WWOX: variants seen among roughly 807,000 people sequenced by gnomAD.
The protein encoded by WWOX is WW domain-containing oxidoreductase.
Under a neutral mutation model 46.2 loss-of-function variants are expected in WWOX, and 69 were observed. The observed-to-expected ratio is 1.49, with a 90% CI of 1.23 to 1.82. The LOEUF is 1.82. Among genes scored for constraint, WWOX ranks in the 40% most tolerant of loss-of-function variants. WWOX has a pLI of 0.00. For synonymous variants in WWOX, 359 were observed against 202.6 expected (o/e 1.77, Z -6.56); for missense variants, 919 against 542.6 (o/e 1.69, Z -6.89).
At chr16:79,128,929 G>C (rs1440556689) in intron 8 of WWOX, among the ~76,000 whole-genome samples, 1 of 152,166 alleles carries the variant, frequency 6.6e-6, no homozygotes, top group Non-Finnish European at 1.5e-5. Context: ...TGCCATTGTT[G>C]CCCAGTGTGA....
chr16:79,162,750 C>A (rs1306363164), intron 8 of WWOX, among the ~76,000 whole-genome samples: 1 of 152,142 alleles, frequency 6.6e-6, no homozygotes, highest in Non-Finnish European at 1.5e-5. Flanking sequence ...AAAGGGCATC[C>A]TGCAAATTTG....
chr16:78,221,470 AT>A (rs1175867856), intron 5 of WWOX, among the ~76,000 whole-genome samples: 2 of 152,120 alleles, frequency 1.3e-5, no homozygotes, highest in African/African-American at 4.8e-5. Context: ...ATTTCCATTA[AT>A]GGTGGACTCT....
chr16:78,552,896 A>G (rs547970523), intron 8 of WWOX: 21 of 152,370 alleles, frequency 1.4e-4, no homozygotes, highest in African/African-American at 4.6e-4. Context: ...TCACAGATCC[A>G]TGGGGACTCC....
chr16:78,625,745 T>G (rs1479995381), intron 8 of WWOX, among the ~76,000 whole-genome samples: 3 of 147,722 alleles, frequency 2.0e-5, no homozygotes, highest in Non-Finnish European at 4.5e-5. Flanking sequence ...TTCTGCAGTT[T>G]TTTTGCCATT....
At chr16:78,533,996 A>G (rs2043695527) in intron 8 of WWOX, among the ~76,000 whole-genome samples, 1 of 152,212 alleles carries the variant, frequency 6.6e-6, no homozygotes, top group South Asian at 2.1e-4. Context: ...GTATTTGCCA[A>G]AACTAGAGGA....
intron 8 of WWOX, among the ~76,000 whole-genome samples, chr16:78,457,231 C>G (rs1486129465): frequency 2.0e-5 from 3 of 152,200 alleles, no homozygotes; most frequent in African/African-American, 7.2e-5. Context: ...AACAGTTCTT[C>G]TGGAACAGGA....
chr16:78,841,165 A>C (rs2052136767), intron 8 of WWOX, among the ~76,000 whole-genome samples: 1 of 152,174 alleles, frequency 6.6e-6, no homozygotes, highest in Non-Finnish European at 1.5e-5. Context: ...CACAACGTGC[A>C]CTGGGTCTTC....
intron 8 of WWOX, among the ~76,000 whole-genome samples, chr16:78,544,826 G>C (rs1441105897): frequency 6.6e-6 from 1 of 152,136 alleles, no homozygotes; most frequent in Non-Finnish European, 1.5e-5. Context: ...AGTGAGCTGT[G>C]ATCGCTCCAC....
At chr16:78,520,519 C>T (rs1428999905) in intron 8 of WWOX, among the ~76,000 whole-genome samples, 2 of 151,974 alleles carry the variant, frequency 1.3e-5, no homozygotes, top group Non-Finnish European at 2.9e-5. Flanking sequence ...GTGGAAGAAA[C>T]ACAGCTTGAA....
intron 5 of WWOX, among the ~76,000 whole-genome samples, chr16:78,282,392 C>T (rs1456112785): frequency 6.6e-6 from 1 of 152,162 alleles, no homozygotes; most frequent in African/African-American, 2.4e-5. Flanking sequence ...TGGATGGTCT[C>T]TTACTAGTGG....
At chr16:79,000,084 A>G (rs114726835) in intron 8 of WWOX, among the ~76,000 whole-genome samples, 1,623 of 152,248 alleles carry the variant, frequency 0.011, 28 homozygotes, top group African/African-American at 0.037. Context: ...AAAAACCAGG[A>G]TCCTTCATGT....
chr16:78,375,913 A>T (rs4888797), intron 5 of WWOX, among the ~76,000 whole-genome samples: 1 of 149,984 alleles, frequency 6.7e-6, no homozygotes, highest in Admixed American at 6.6e-5. Flanking sequence ...GTGCAGTGGC[A>T]TGATGTTGGC....
chr16:79,074,042 G>A (rs911602348), intron 8 of WWOX, among the ~76,000 whole-genome samples: 2 of 151,910 alleles, frequency 1.3e-5, no homozygotes, highest in African/African-American at 4.8e-5. Context: ...GAGAAGCACA[G>A]CAATACAGTA....
chr16:78,985,878 GCTGCCTTCTGCAGT>G (rs1392855383), intron 8 of WWOX, among the ~76,000 whole-genome samples: 15 of 152,230 alleles, frequency 9.9e-5, no homozygotes. Flanking sequence ...ATTCCAAATG[GCTGCCTTCTGCAGT>G]CCCGTCAGCC....
At chr16:78,573,070 G>C (rs954351718) in intron 8 of WWOX, among the ~76,000 whole-genome samples, 6 of 152,154 alleles carry the variant, frequency 3.9e-5, no homozygotes, top group African/African-American at 1.4e-4. Flanking sequence ...GGCGGATCAC[G>C]AGGTCAGGAG....
intron 7 of WWOX, among the ~76,000 whole-genome samples, chr16:78,429,591 ACT>A (rs2083170128): frequency 6.6e-6 from 1 of 151,844 alleles, no homozygotes; most frequent in African/African-American, 2.4e-5. Flanking sequence ...CCTTTCAGAT[ACT>A]CTCTAAATCC....
At position 79,071,373 on chromosome 16, in the gene WWOX, A is replaced by T. The variant is rs899950702; in HGVS notation, c.1057-140235A>T. ...AGGAAGCCAGAAAAGCTTTTCAACC[A>T]TTTGAGAGGGTGTGAAATACAGAAG... On this transcript the variant is annotated intron_variant, in intron 8 of 8. Transcript: ENST00000566780. Among the ~76,000 whole-genome samples, 24 of 152,312 alleles carry T rather than the reference A, an allele frequency of 1.6e-4. No individual in the cohort carries two copies. The Middle Eastern group carries it at 0.014, about 86-fold the overall frequency.
chr16:78,120,421 T>G (rs535032815), intron 4 of WWOX, among the ~76,000 whole-genome samples: 35 of 152,022 alleles, frequency 2.3e-4, no homozygotes, highest in African/African-American at 7.7e-4. Flanking sequence ...ATACAAAAAA[T>G]TAGCCAGGCG....
At chr16:78,368,779 G>A (rs995235838) in intron 5 of WWOX, among the ~76,000 whole-genome samples, 12 of 152,088 alleles carry the variant, frequency 7.9e-5, no homozygotes, top group African/African-American at 2.9e-4. Context: ...TACCCATCGC[G>A]ATTCATTTGT....
Sources: allele counts gnomAD v4.1 joint callset (sites outside exome capture counted in the v4.1 genomes callset), GRCh38; gene constraint gnomAD v4.1.1; transcripts MANE v1.5; gene names NCBI Gene and HGNC (gene_info 2026-07-23, HGNC 2026-07-21).